The following PRKN variants were observed in gnomAD, a reference collection of about 807,000 sequenced individuals.
The protein encoded by PRKN is E3 ubiquitin-protein ligase parkin.
A neutral mutation model predicts 59.5 loss-of-function variants in PRKN; 56 were observed. The ratio of observed to expected loss-of-function variants is 0.94; its 90% CI spans 0.76 to 1.18. The LOEUF is 1.18. PRKN is among the 50% of genes most tolerant of loss of function. PRKN has a pLI of 0.00. For missense variants in PRKN, 657 were observed against 596.4 expected, an observed-to-expected ratio of 1.10 and a Z score of -1.06; for synonymous variants, 250 against 222.1, an observed-to-expected ratio of 1.13 and a Z score of -1.12.
At chr6:162,422,328 C>T (rs1451815969) in intron 2 of PRKN, among the ~76,000 whole-genome samples, 1 of 152,094 alleles carries the variant, frequency 6.6e-6, no homozygotes, top group Non-Finnish European at 1.5e-5. Flanking sequence ...ATTTACCTGC[C>T]CCTAGTATAC....
intron 4 of PRKN, among the ~76,000 whole-genome samples, chr6:162,166,000 G>A (rs974516261): frequency 1.4e-5 from 2 of 143,848 alleles, no homozygotes; most frequent in East Asian, 4.1e-4. Flanking sequence ...GTGAGCCAGG[G>A]TCATGCCACT....
rs186919285 is a variant in PRKN, at chr6:162,465,866, A to G, written c.8-22393T>C. Among the ~76,000 whole-genome samples the G allele has an allele frequency of 1.3e-3, 199 of 152,334 alleles. 1 individual carries two copies. Among genetic ancestry groups the G allele is most frequent in the African/African-American group, 4.7e-3 (197 of 41,584 alleles). On this transcript the variant is annotated intron_variant, in intron 1 of 11. Transcript: ENST00000366898. The stretch of plus-strand genomic sequence containing the variant: ...ATATTGTGATATTTAAGAATTTAAC[A>G]AAGTTATCTCAAGAACATCTCACAC...
intron 3 of PRKN, among the ~76,000 whole-genome samples, chr6:162,224,077 AC>A (rs955034483): frequency 6.7e-6 from 1 of 148,988 alleles, no homozygotes; most frequent in African/African-American, 2.5e-5. Context: ...ACTCCTCCAT[AC>A]CCCAAAAAGA....
rs1790541209 is a variant in PRKN at position 161,467,543 on chromosome 6, C to CA, written c.1084-80667dup. On this transcript the variant is annotated intron_variant, in intron 9 of 11. Transcript: ENST00000366898. The surrounding 1 kb of genome is among the most constrained non-coding windows in gnomAD (Gnocchi z 4.3). The stretch of plus-strand genomic sequence containing the variant: ...AATACAATGCTTTACTGTTGTATAA[C>CA]AGAGAAACATGCAGATTGCTATGGG... 6.6e-6 allele frequency among the ~76,000 whole-genome samples: 1 copy of CA among 152,114 alleles called. No individual in the cohort carries two copies. The highest frequency in any genetic ancestry group is 2.4e-5 in the African/African-American group (1 of 41,418).
intron 3 of PRKN, among the ~76,000 whole-genome samples, chr6:162,218,885 GTTACACACCTCGGCA>G (rs747588276): frequency 1.1e-4 from 16 of 152,154 alleles, no homozygotes; most frequent in Admixed American, 5.2e-4. Context: ...TGCCTGTTTA[GTTACACACCTCGGCA>G]TGGTGGCTCA....
intron 4 of PRKN, among the ~76,000 whole-genome samples, chr6:162,132,595 A>C (rs1781409375): frequency 6.6e-6 from 1 of 152,184 alleles, no homozygotes; most frequent in South Asian, 2.1e-4. Context: ...CGACGTTGTA[A>C]CTAGCACAGA....
At chr6:161,800,688 A>G (rs3016551) in intron 6 of PRKN, among the ~76,000 whole-genome samples, 65,112 of 151,972 alleles carry the variant, frequency 0.43, 16,477 homozygotes, top group East Asian at 0.73. Context: ...ACCATAGCTG[A>G]TATCTTCAAC....
At chr6:161,696,436 C>A (rs1163312102) in intron 7 of PRKN, among the ~76,000 whole-genome samples, 1 of 152,140 alleles carries the variant, frequency 6.6e-6, no homozygotes, top group Non-Finnish European at 1.5e-5. Context: ...TAGACTAGAC[C>A]ATTCACTTCA....
rs566751488 is a variant in PRKN, at chr6:162,168,539, C to T, written c.534+32592G>A. Among the ~76,000 whole-genome samples, 6 of 103,218 alleles carry T rather than the reference C, an allele frequency of 5.8e-5. No individual in the cohort carries two copies. The East Asian group carries it at 1.8e-3, about 32-fold the overall frequency. 67.7% of individuals were successfully genotyped at this position (103,218 alleles called of 152,430 possible). On this transcript the variant is annotated intron_variant, in intron 4 of 11. Transcript: ENST00000366898. ...AAGGCAAACCCAGGCTTTCATCCAT[C>T]ATTCTAATCTGTTTTACAAAAAAAA... is the stretch of plus-strand genomic sequence containing the variant.
intron 1 of PRKN, among the ~76,000 whole-genome samples, chr6:162,582,669 C>T (rs1780835057): frequency 6.6e-6 from 1 of 152,138 alleles, no homozygotes; most frequent in South Asian, 2.1e-4. Flanking sequence ...AAGTCTGATG[C>T]TTAAATGGTT....
chr6:161,797,449 TA>T (rs1790898208), intron 6 of PRKN, among the ~76,000 whole-genome samples: 1 of 152,060 alleles, frequency 6.6e-6, no homozygotes, highest in African/African-American at 2.4e-5. Flanking sequence ...GTATTTTTAG[TA>T]GATGGGGTTT....
intron 1 of PRKN, among the ~76,000 whole-genome samples, chr6:162,475,000 G>T (rs920168672): frequency 6.6e-6 from 1 of 152,210 alleles, no homozygotes; most frequent in Non-Finnish European, 1.5e-5. Flanking sequence ...ATTCTTCTGA[G>T]AATTGTTTAT....
chr6:162,077,174 A>G (rs1354649501), intron 4 of PRKN, among the ~76,000 whole-genome samples: 1 of 152,136 alleles, frequency 6.6e-6, no homozygotes, highest in African/African-American at 2.4e-5. Flanking sequence ...GGAAGGATAC[A>G]GTTCATTGAA....
chr6:162,234,172 G>C (rs966616756), intron 3 of PRKN, among the ~76,000 whole-genome samples: 1 of 152,078 alleles, frequency 6.6e-6, no homozygotes, highest in African/African-American at 2.4e-5. Flanking sequence ...GTGAGAACAG[G>C]TACACGACAA....
At chr6:162,077,431 A>G (rs2023059) in intron 4 of PRKN, among the ~76,000 whole-genome samples, 124,387 of 152,062 alleles carry the variant, frequency 0.82, 51,076 homozygotes, top group Admixed American at 0.88. Context: ...TCAGCAATGC[A>G]TGACTGCACT....
intron 1 of PRKN, among the ~76,000 whole-genome samples, chr6:162,608,996 C>T (rs570418393): frequency 2.0e-5 from 3 of 152,136 alleles, no homozygotes; most frequent in Non-Finnish European, 4.4e-5. Flanking sequence ...GCCAGTGAGG[C>T]TCTCTTCCTG....
At chr6:162,652,645 T>C (rs1778489377) in intron 1 of PRKN, among the ~76,000 whole-genome samples, 1 of 152,126 alleles carries the variant, frequency 6.6e-6, no homozygotes, top group Non-Finnish European at 1.5e-5. Context: ...ACTCTTCTAT[T>C]AGAATTGAGA....
chr6:161,912,156 C>A (rs772715456), intron 6 of PRKN, among the ~76,000 whole-genome samples: 3 of 143,560 alleles, frequency 2.1e-5, no homozygotes, highest in Admixed American at 7.2e-5. Context: ...CCAGCCTGGA[C>A]GACAGAGGAG....
rs1205674273 is a variant in PRKN at position 162,528,095 on chromosome 6, C to T, written c.8-84622G>A. ...GGGGGGCGGGAGGGGTGCGGGGCGG[C>T]GGGTCACCTGAGGTCAGGACTTCAA... On this transcript the variant is annotated intron_variant, in intron 1 of 11. Transcript: ENST00000366898. Among the ~76,000 whole-genome samples, 3 of 145,766 alleles carry T rather than the reference C, an allele frequency of 2.1e-5. No individual in the cohort carries two copies. The East Asian group carries it at 5.9e-4, about 29-fold the overall frequency.
Sources: allele counts gnomAD v4.1 joint callset (sites outside exome capture counted in the v4.1 genomes callset), GRCh38; gene constraint gnomAD v4.1.1; non-coding constraint Gnocchi (gnomAD v3.1); transcripts MANE v1.5; gene names NCBI Gene and HGNC (gene_info 2026-07-23, HGNC 2026-07-21).